RAPH1: variants seen among roughly 807,000 people sequenced by gnomAD.
RAPH1 encodes ras-associated and pleckstrin homology domains-containing protein 1.
RAPH1 carries 18 observed loss-of-function variants against 88.1 expected under a neutral mutation model. The observed-to-expected ratio is 0.20, with a 90% CI of 0.14 to 0.30. The LOEUF (loss-of-function observed/expected upper bound fraction) is 0.30. RAPH1 is among the 10% of genes least tolerant of loss of function. The pLI, the probability that RAPH1 is intolerant of heterozygous loss-of-function variation, is 1.00. For missense variants in RAPH1, 1,448 were observed against 1,543.2 expected, an observed-to-expected ratio of 0.94 and a Z score of 1.03; for synonymous variants, 587 against 559.0, an observed-to-expected ratio of 1.05 and a Z score of -0.71.
chr2:203,518,635 CAGG>C (rs1294787035), intron 1 of RAPH1, among the ~76,000 whole-genome samples: 1 of 151,942 alleles, frequency 6.6e-6, no homozygotes, highest in Non-Finnish European at 1.5e-5. Flanking sequence ...TGCTTGAGGC[CAGG>C]AGTTCAACAC....
chr2:203,504,051 G>A (rs1281232676), intron 1 of RAPH1, among the ~76,000 whole-genome samples: 1 of 152,186 alleles, frequency 6.6e-6, no homozygotes, highest in African/African-American at 2.4e-5. Context: ...TCACGGGCTG[G>A]CATTGAGTGT....
At position 203,439,571 on chromosome 2, in the gene RAPH1, G is replaced by T; in HGVS notation, c.3619C>A (p.Pro1207Thr). 1 of 1,614,148 alleles carries T rather than the reference G, an allele frequency of 6.2e-7. No individual in the cohort carries two copies. Among genetic ancestry groups the T allele is most frequent in the Non-Finnish European group, 8.5e-7 (1 of 1,180,020 alleles). Residue 1207 changes from proline to threonine, a missense_variant, in exon 14 of 14, where the codon CCT becomes ACT. Coordinates refer to ENST00000319170, the MANE Select transcript of RAPH1 (RefSeq NM_213589.3). The part of the protein sequence containing the change: ...MDDMALPPPP[P>T]ELLSDQQKAG... ...TTCTGTTGATCAGACAGCAGTTCAG[G>T]GGGTGGTGGAGGCAATGCCATATCA...
At chr2:203,526,225 TA>T (rs1559506568) in intron 1 of RAPH1, among the ~76,000 whole-genome samples, 1 of 152,138 alleles carries the variant, frequency 6.6e-6, no homozygotes, top group South Asian at 2.1e-4. Flanking sequence ...TAACGTTTTT[TA>T]AAAAAATGTT....
intron 4 of RAPH1, 66 bp from the exon 5 acceptor site, chr2:203,461,991 A>G (rs1376357527): frequency 1.6e-5 from 20 of 1,276,702 alleles, no homozygotes; most frequent in Non-Finnish European, 2.2e-5. Context: ...AATCTTTTTT[A>G]TCCTTAAGGA....
intron 1 of RAPH1, among the ~76,000 whole-genome samples, chr2:203,500,722 T>A (rs77585648): frequency 2.0e-5 from 3 of 152,222 alleles, no homozygotes; most frequent in East Asian, 1.9e-4. Flanking sequence ...AGACAGTAAG[T>A]AATGCCATTT....
chr2:203,448,988 A>G lies in RAPH1; in HGVS notation c.1414-152T>C, dbSNP rs919412717. ...TCTTATATGGCCATAAGGCCAAATAAAGTAGCCCATAAGAATTTTTACAAA... is the reference window on the plus strand; with the variant it reads ...TCTTATATGGCCATAAGGCCAAATAGAGTAGCCCATAAGAATTTTTACAAA... On this transcript the variant is annotated intron_variant, in intron 10 of 13. Coordinates refer to ENST00000319170, the MANE Select transcript of RAPH1 (RefSeq NM_213589.3). This position sits in a 1 kb window ranked among gnomAD's most constrained non-coding sequence, Gnocchi z 4.1. The G allele has an allele frequency of 8.9e-5, 37 of 416,896 alleles. No homozygotes were observed. The highest frequency in any genetic ancestry group is 1.3e-4 in the Non-Finnish European group (32 of 238,204). 25.8% of individuals were successfully genotyped at this position (416,896 alleles called of 1,614,324 possible). A position where few individuals can be genotyped will look rare whatever the true frequency, so the allele number is the denominator to read the frequency against.
intron 4 of RAPH1, among the ~76,000 whole-genome samples, chr2:203,489,368 C>T (rs765433392): frequency 5.3e-5 from 8 of 152,022 alleles, no homozygotes; most frequent in African/African-American, 1.5e-4. Flanking sequence ...ACTATAGTCA[C>T]GAGAATAAAA....
At chr2:203,500,251 T>TAGGAAA (rs1428330663) in intron 1 of RAPH1, among the ~76,000 whole-genome samples, 4 of 152,150 alleles carry the variant, frequency 2.6e-5, no homozygotes, top group Non-Finnish European at 5.9e-5. Flanking sequence ...AGGAAAGTGG[T>TAGGAAA]GATGCTTCAG....
intron 1 of RAPH1, among the ~76,000 whole-genome samples, chr2:203,522,833 T>C (rs539543283): frequency 8.2e-4 from 119 of 144,324 alleles, no homozygotes; most frequent in Middle Eastern, 3.9e-3. Context: ...ACCTGGAAGA[T>C]TGCAGTGAGC....
chr2:203,477,524 G>A (rs1687519464), intron 4 of RAPH1, among the ~76,000 whole-genome samples: 1 of 152,046 alleles, frequency 6.6e-6, no homozygotes, highest in African/African-American at 2.4e-5. Context: ...TGTTATACCT[G>A]TTCTAAGTCT....
In RAPH1 at chr2:203,489,796, A is replaced by T; in HGVS notation, c.520T>A (p.Ser174Thr). The change falls in exon 4 of 14, where the codon TCT becomes ACT. Residue 174 changes from serine to threonine, a missense_variant. By Grantham distance (58) the Ser-to-Thr change is moderately conservative. Around this residue, in one of 2 missense-constraint regions of RAPH1, gnomAD observed 513 missense variants for 653.1 expected, o/e 0.79. Coordinates refer to ENST00000319170, the MANE Select transcript of RAPH1 (RefSeq NM_213589.3). ...SLSMDEAAQQ[S>T]VLEDTKPLVT... is the part of the protein sequence containing the mutation. ...AAGGGTTTAGTATCTTCTAGTACAG[A>T]TTGCTGAGCAGCCTCATCCATACTC... The T allele has an allele frequency of 2.5e-6, 4 of 1,614,214 alleles. No individual in the cohort carries two copies. Among genetic ancestry groups the T allele is most frequent in the Non-Finnish European group, 3.4e-6 (4 of 1,180,036 alleles).
In RAPH1 at chr2:203,490,006, C is replaced by G. The variant is rs1688184037; in HGVS notation, c.310G>C (p.Gly104Arg). The change falls in exon 4 of 14, where the codon GGT (glycine) becomes CGT (arginine). Residue 104 changes from glycine to arginine, a missense_variant. Transcript: ENST00000319170. ...CSIEQELSSIGSGNSKRQITE... is the reference protein window; with the variant it reads ...CSIEQELSSIRSGNSKRQITE... ...ATTTGACGCTTACTGTTTCCTGAAC[C>G]AATGCTGCTGAGCTCCTGCTCTATA... 5.0e-6 allele frequency: 8 copies of G among 1,614,076 alleles called. No homozygotes were observed. Among genetic ancestry groups the G allele is most frequent in the Non-Finnish European group, 6.8e-6 (8 of 1,180,038 alleles).
chr2:203,515,950 A>G (rs543752935), intron 1 of RAPH1, among the ~76,000 whole-genome samples: 3 of 152,218 alleles, frequency 2.0e-5, no homozygotes, highest in Non-Finnish European at 4.4e-5. Flanking sequence ...ATCAAAGAAG[A>G]AATCAGTGAA....
chr2:203,514,476 G>C (rs1689506498), intron 1 of RAPH1, among the ~76,000 whole-genome samples: 1 of 152,196 alleles, frequency 6.6e-6, no homozygotes, highest in Non-Finnish European at 1.5e-5. Context: ...ATTCCAGGAA[G>C]CTTAGAGGGT....
intron 1 of RAPH1, among the ~76,000 whole-genome samples, chr2:203,509,500 A>C (rs1239538201): frequency 6.6e-6 from 1 of 152,198 alleles, no homozygotes. Flanking sequence ...CAAGATGGGT[A>C]TTTTTAAAGA....
intron 1 of RAPH1, among the ~76,000 whole-genome samples, chr2:203,506,852 A>ATATATC (rs1553630548): frequency 1.1e-3 from 43 of 38,960 alleles, no homozygotes; most frequent in Non-Finnish European, 1.5e-3. Context: ...ATATCTATCT[A>ATATATC]TATCTATATA....
chr2:203,503,594 A>C (rs956063564), intron 1 of RAPH1, among the ~76,000 whole-genome samples: 9 of 152,300 alleles, frequency 5.9e-5, no homozygotes, highest in Non-Finnish European at 1.2e-4. Flanking sequence ...GACACAGCCA[A>C]ACCATATCAT....
At chr2:203,457,879 A>G (rs2098521048) in intron 7 of RAPH1, among the ~76,000 whole-genome samples, 1 of 152,162 alleles carries the variant, frequency 6.6e-6, no homozygotes, top group Non-Finnish European at 1.5e-5. Flanking sequence ...CAGCTGGCAA[A>G]TATGTTTTGG....
intron 4 of RAPH1, among the ~76,000 whole-genome samples, chr2:203,474,198 T>A (rs1361362672): frequency 2.6e-5 from 4 of 152,158 alleles, no homozygotes; most frequent in Non-Finnish European, 5.9e-5. Flanking sequence ...GACCAGTGGT[T>A]CTCAAAAGAG....
Sources: gnomAD v4.1 joint callset for allele counts (sites outside exome capture counted in the v4.1 genomes callset) on GRCh38, gnomAD v4.1.1 for gene constraint, gnomAD v4.1.1 regional missense constraint, Gnocchi (gnomAD v3.1) non-coding constraint, MANE v1.5 for transcripts, NCBI Gene and HGNC (gene_info 2026-07-23, HGNC 2026-07-21) for gene names.